The following XKR9 variants were observed in gnomAD, a reference collection of about 807,000 sequenced individuals.
XKR9 encodes the protein XK related 9, also known as XK-related protein 9.
Under a neutral mutation model 32.0 loss-of-function variants are expected in XKR9, and 32 were observed. The observed-to-expected ratio is 1.00, with a 90% CI of 0.76 to 1.34. The LOEUF (loss-of-function observed/expected upper bound fraction) is 1.34. Among genes scored for constraint, XKR9 ranks in the 40% most tolerant of loss-of-function variants. XKR9 has a pLI of 0.00. For missense variants in XKR9, 546 were observed against 429.7 expected, an observed-to-expected ratio of 1.27 and a Z score of -2.39; for synonymous variants, 168 against 143.4, an observed-to-expected ratio of 1.17 and a Z score of -1.22.
intron 3 of XKR9, 135 bp downstream of exon 3, chr8:70,681,465 C>A: frequency 9.3e-7 from 1 of 1,073,344 alleles, no homozygotes; most frequent in Non-Finnish European, 1.3e-6. Context: ...TTGCTCCTCA[C>A]TATTGTGCTA....
At chr8:71,054,764 C>T in the XKR9 span, among the ~76,000 whole-genome samples, 4 of 152,140 alleles carry the variant, frequency 2.6e-5, no homozygotes, top group Admixed American at 6.5e-5. Flanking sequence ...TTAAGTCATA[C>T]TCCTTGGATT....
chr8:70,725,993 T>G (rs1285885308), intron 4 of XKR9, among the ~76,000 whole-genome samples: 1 of 152,196 alleles, frequency 6.6e-6, no homozygotes, highest in East Asian at 1.9e-4. Flanking sequence ...ATTTTACATT[T>G]TCTTTCTACC....
intron 1 of XKR9, among the ~76,000 whole-genome samples, chr8:70,669,824 G>A (rs960722392): frequency 6.6e-6 from 1 of 151,830 alleles, no homozygotes; most frequent in Non-Finnish European, 1.5e-5. Flanking sequence ...CCGCCACCAC[G>A]CCCGGCTAAT....
At chr8:70,813,324 T>G in the XKR9 span, among the ~76,000 whole-genome samples, 3 of 152,306 alleles carry the variant, frequency 2.0e-5, no homozygotes, top group Middle Eastern at 3.4e-3. Context: ...ATGTTAGACC[T>G]AAAACCATAA....
chr8:70,797,153 G>C, the XKR9 span, among the ~76,000 whole-genome samples: 1 of 152,184 alleles, frequency 6.6e-6, no homozygotes, highest in African/African-American at 2.4e-5. Context: ...TGTTTTATCA[G>C]TTAATGCTTC....
chr8:70,744,545 A>T (rs1014759665), intron 2 of XKR9, among the ~76,000 whole-genome samples: 24 of 152,180 alleles, frequency 1.6e-4, no homozygotes, highest in African/African-American at 5.8e-4. Flanking sequence ...ATTTTTTGTG[A>T]AACCATGCTA....
chr8:71,014,582 G>A, the XKR9 span, among the ~76,000 whole-genome samples: 1 of 152,138 alleles, frequency 6.6e-6, no homozygotes. Flanking sequence ...CCACCTAACT[G>A]ATCCAGGATG....
At chr8:70,845,857 A>C in the XKR9 span, among the ~76,000 whole-genome samples, 2 of 152,192 alleles carry the variant, frequency 1.3e-5, no homozygotes, top group Non-Finnish European at 2.9e-5. Flanking sequence ...GAAGGTAAAG[A>C]GACCAAAGGC....
the XKR9 span, among the ~76,000 whole-genome samples, chr8:70,945,725 C>T: frequency 2.0e-5 from 3 of 152,152 alleles, no homozygotes; most frequent in Admixed American, 2.0e-4. Context: ...AACAGTTGTC[C>T]ATTTGTCAGA....
At chr8:70,755,102 A>G (rs1473297725) in intron 2 of XKR9, among the ~76,000 whole-genome samples, 2 of 152,258 alleles carry the variant, frequency 1.3e-5, no homozygotes, top group Non-Finnish European at 2.9e-5. Context: ...GGCAAAGGAT[A>G]TGAACAGACA....
the XKR9 span, among the ~76,000 whole-genome samples, chr8:70,851,941 A>G: frequency 6.6e-6 from 1 of 152,244 alleles, no homozygotes. Context: ...ATGGGATCTA[A>G]TTAAACTAAA....
At chr8:70,968,374 G>A in the XKR9 span, among the ~76,000 whole-genome samples, 2 of 152,102 alleles carry the variant, frequency 1.3e-5, no homozygotes, top group Non-Finnish European at 2.9e-5. Context: ...TTTGCATTGG[G>A]TTAGGAAATG....
chr8:70,935,405 G>C, the XKR9 span, among the ~76,000 whole-genome samples: 1 of 151,518 alleles, frequency 6.6e-6, no homozygotes. Flanking sequence ...TTCTTCAGTG[G>C]ATAGCCTTGC....
At chr8:70,740,185 C>G (rs1290438379), downstream of XKR9, among the ~76,000 whole-genome samples, 1 of 152,070 alleles carries the variant, frequency 6.6e-6, no homozygotes, top group Non-Finnish European at 1.5e-5. Context: ...TCTTTTTTCT[C>G]TAAACTTCCC....
At chr8:70,956,999 C>T in the XKR9 span, among the ~76,000 whole-genome samples, 1 of 152,218 alleles carries the variant, frequency 6.6e-6, no homozygotes, top group Admixed American at 6.5e-5. Context: ...CTGCCTGTTC[C>T]CTGCCCCCAT....
chr8:70,901,726 G>A, the XKR9 span, among the ~76,000 whole-genome samples: 1 of 152,156 alleles, frequency 6.6e-6, no homozygotes, highest in Non-Finnish European at 1.5e-5. Flanking sequence ...TAGTCATGAA[G>A]TCCTTGCCCA....
At chr8:71,041,864 G>T in the XKR9 span, among the ~76,000 whole-genome samples, 3 of 152,196 alleles carry the variant, frequency 2.0e-5, no homozygotes, top group Non-Finnish European at 4.4e-5. Context: ...GCAGAACTGT[G>T]AGTCAATTAA....
chr8:70,730,477 G>A (rs962369804), intron 4 of XKR9, among the ~76,000 whole-genome samples: 1 of 151,900 alleles, frequency 6.6e-6, no homozygotes, highest in Admixed American at 6.6e-5. Flanking sequence ...TCTGGCTTTT[G>A]AATTCTACCA....
chr8:70,704,730 C>A (rs765363052), intron 3 of XKR9, among the ~76,000 whole-genome samples: 1 of 152,056 alleles, frequency 6.6e-6, no homozygotes, highest in Non-Finnish European at 1.5e-5. Flanking sequence ...TAGTATCTAC[C>A]CTATTGGATT....
Sources: gnomAD v4.1 joint callset for allele counts (sites outside exome capture counted in the v4.1 genomes callset) on GRCh38, gnomAD v4.1.1 for gene constraint, MANE v1.5 for transcripts, NCBI Gene and HGNC (gene_info 2026-07-23, HGNC 2026-07-21) for gene names.